The following PIK3CA variants were observed in gnomAD, a reference collection of about 807,000 sequenced individuals.
The protein encoded by PIK3CA is phosphatidylinositol-4,5-bisphosphate 3-kinase catalytic subunit alpha.
PIK3CA carries 27 observed loss-of-function variants against 138.2 expected under a neutral mutation model. The ratio of observed to expected loss-of-function variants is 0.20; its 90% CI spans 0.14 to 0.27. The LOEUF (loss-of-function observed/expected upper bound fraction) is 0.27, where lower values mean the gene tolerates loss of function less well. Ranked by LOEUF, PIK3CA falls within the 10% of genes least tolerant of loss-of-function variation. PIK3CA has a pLI of 1.00. For missense variants in PIK3CA, 544 were observed against 1,277.4 expected, an observed-to-expected ratio of 0.43 and a Z score of 8.75; for synonymous variants, 358 against 413.2, an observed-to-expected ratio of 0.87 and a Z score of 1.62.
chr3:179,222,604 A>T (rs183037490), intron 14 of PIK3CA, among the ~76,000 whole-genome samples: 19 of 152,314 alleles, frequency 1.2e-4, no homozygotes, highest in South Asian at 4.1e-4. Context: ...AAAACACAGT[A>T]TCCAAAAAAT....
At chr3:179,200,469 G>A (rs1464555452) in intron 3 of PIK3CA, among the ~76,000 whole-genome samples, 2 of 151,632 alleles carry the variant, frequency 1.3e-5, no homozygotes, top group Non-Finnish European at 2.9e-5. Flanking sequence ...TATTTTTCAG[G>A]GTAACAGTAA....
At chr3:179,185,437 G>A (rs750344715) in intron 1 of PIK3CA, among the ~76,000 whole-genome samples, 5 of 152,156 alleles carry the variant, frequency 3.3e-5, no homozygotes, top group Non-Finnish European at 7.3e-5. Context: ...GAAGTATATG[G>A]GGATTTCTCC....
At chr3:179,208,374 T>C (rs957415718) in intron 6 of PIK3CA, among the ~76,000 whole-genome samples, 2 of 152,218 alleles carry the variant, frequency 1.3e-5, no homozygotes, top group African/African-American at 2.4e-5. Flanking sequence ...ACATATGAGC[T>C]TCTATCATGG....
chr3:179,218,337 A>C lies in PIK3CA; in HGVS notation c.1664+3A>C, dbSNP rs769124869. On this transcript the variant is annotated splice_donor_region_variant and intron_variant, in intron 10 of 20. Transcript: ENST00000263967. ...AAAGATTTTCTATGGAGTCACAGGT[A>C]AGTGCTAAAATGGAGATTCTCTGTT... The C allele has an allele frequency of 6.3e-7, 1 of 1,599,552 alleles. No homozygotes were observed. The highest frequency in any genetic ancestry group is 2.2e-5 in the East Asian group (1 of 44,572).
chr3:179,225,787 C>A (rs1262398109), intron 16 of PIK3CA, among the ~76,000 whole-genome samples, 175 bp from the exon 17 acceptor site: 1 of 152,058 alleles, frequency 6.6e-6, no homozygotes, highest in Non-Finnish European at 1.5e-5. Context: ...TTTGAGTGGA[C>A]ATATACACTC....
At chr3:179,198,666 G>C in intron 1 of PIK3CA, 84 bp from the exon 2 acceptor site, 1 of 455,750 alleles carries the variant, frequency 2.2e-6, no homozygotes. Context: ...TATGGAAAAT[G>C]AGTTTTTACA....
At chr3:179,159,290 G>T (rs1025113798) in intron 1 of PIK3CA, among the ~76,000 whole-genome samples, 8 of 152,160 alleles carry the variant, frequency 5.3e-5, no homozygotes, top group African/African-American at 1.4e-4. Flanking sequence ...CTGACCAAGA[G>T]TTTGTTTCCA....
At chr3:179,223,212 T>G (rs755244142) in intron 14 of PIK3CA, among the ~76,000 whole-genome samples, 2 of 152,218 alleles carry the variant, frequency 1.3e-5, no homozygotes, top group African/African-American at 4.8e-5. Flanking sequence ...AACTATTCAT[T>G]TGTATATAAC....
chr3:179,150,212 G>A (rs1209234689), intron 1 of PIK3CA, among the ~76,000 whole-genome samples: 1 of 145,144 alleles, frequency 6.9e-6, no homozygotes, highest in Non-Finnish European at 1.5e-5. Context: ...TTGGTATTTT[G>A]CTTAAGTTTT....
chr3:179,199,639 C>A (rs2108386930), intron 2 of PIK3CA, 51 bp from the exon 3 acceptor site: 2 of 1,285,400 alleles, frequency 1.6e-6, no homozygotes, highest in South Asian at 1.3e-5. Flanking sequence ...AAAACATGTT[C>A]ATGCTGTGTA....
chr3:179,213,521 C>T (rs1028705892), intron 9 of PIK3CA, among the ~76,000 whole-genome samples: 15 of 152,200 alleles, frequency 9.9e-5, no homozygotes, highest in Admixed American at 7.2e-4. Flanking sequence ...GCTGAAGTAA[C>T]GTTAGCGTGG....
At chr3:179,185,018 G>A (rs369056792) in intron 1 of PIK3CA, among the ~76,000 whole-genome samples, 6 of 152,146 alleles carry the variant, frequency 3.9e-5, no homozygotes, top group Admixed American at 6.5e-5. Flanking sequence ...TAAGCTAGCC[G>A]TTGATTTTTG....
At chr3:179,214,347 G>A (rs1249333818) in intron 9 of PIK3CA, among the ~76,000 whole-genome samples, 2 of 152,082 alleles carry the variant, frequency 1.3e-5, no homozygotes, top group Middle Eastern at 6.3e-3. Context: ...GCCATTGTAG[G>A]GTTATTAATT....
intron 1 of PIK3CA, among the ~76,000 whole-genome samples, chr3:179,151,192 C>T (rs1723005452): frequency 6.6e-6 from 1 of 152,102 alleles, no homozygotes; most frequent in Admixed American, 6.5e-5. Context: ...TAAGTATTAC[C>T]TTGAGCTATA....
chr3:179,225,729 A>T (rs140366247), intron 16 of PIK3CA, among the ~76,000 whole-genome samples: 77 of 152,220 alleles, frequency 5.1e-4, no homozygotes, highest in Non-Finnish European at 9.1e-4. Context: ...ACTTAGCAAG[A>T]CCCCATCTCA....
chr3:179,193,675 C>CT (rs1724192997), intron 1 of PIK3CA, among the ~76,000 whole-genome samples: 1 of 152,212 alleles, frequency 6.6e-6, no homozygotes, highest in Non-Finnish European at 1.5e-5. Context: ...TGGGACTGCT[C>CT]TATTTTGAAC....
chr3:179,155,956 C>G (rs1366151706), intron 1 of PIK3CA, among the ~76,000 whole-genome samples: 1 of 152,174 alleles, frequency 6.6e-6, no homozygotes, highest in Non-Finnish European at 1.5e-5. Flanking sequence ...CTTGGCCTTT[C>G]AGAGCTTGTT....
intron 9 of PIK3CA, among the ~76,000 whole-genome samples, chr3:179,214,670 A>G (rs1433501763): frequency 6.6e-6 from 1 of 152,208 alleles, no homozygotes; most frequent in Admixed American, 6.5e-5. Context: ...CTTCCTTTAC[A>G]TAGGGATACC....
chr3:179,165,813 T>G (rs1723403557), intron 1 of PIK3CA, among the ~76,000 whole-genome samples: 1 of 152,186 alleles, frequency 6.6e-6, no homozygotes, highest in South Asian at 2.1e-4. Flanking sequence ...CTCATGCTGT[T>G]CTGTGGTTCA....
Sources: allele counts gnomAD v4.1 joint callset (sites outside exome capture counted in the v4.1 genomes callset), GRCh38; gene constraint gnomAD v4.1.1; transcripts MANE v1.5; gene names NCBI Gene and HGNC (gene_info 2026-07-23, HGNC 2026-07-21).